The following CD36 variants were observed in gnomAD, a reference collection of about 807,000 sequenced individuals.
CD36 encodes the protein platelet glycoprotein 4.
Under a neutral mutation model 55.2 loss-of-function variants are expected in CD36, and 119 were observed. That is an observed-to-expected ratio of 2.15 (90% CI 1.86 to 2.51). The LOEUF is 2.51. Ranked by LOEUF, CD36 falls within the 30% of genes most tolerant of loss-of-function variation. The probability of loss-of-function intolerance (pLI) is 0.00; values close to 1 mark genes in which losing one functional copy is unlikely to be tolerated. For missense variants in CD36, 819 were observed against 555.5 expected (o/e 1.47, Z -4.77); for synonymous variants, 186 against 193.6 (o/e 0.96, Z 0.33).
chr7:80,671,445 A>G (rs1197724473), intron 10 of CD36, among the ~76,000 whole-genome samples: 1 of 152,156 alleles, frequency 6.6e-6, no homozygotes, highest in Non-Finnish European at 1.5e-5. Context: ...AAATTTAGTT[A>G]AAACCACACC....
chr7:80,670,996 G>A lies in CD36; in HGVS notation c.838G>A (p.Glu280Lys), dbSNP rs761115549. The change falls in exon 10 of 15, where the codon GAA becomes AAA. Residue 280 changes from glutamate (E) to lysine (K), a missense_variant. Physicochemically the swap from Glu to Lys is moderately conservative, Grantham distance 56. Transcript: ENST00000447544. ...DICRSIYAVF[E>K]SDVNLKGIPV... Reference sequence around the variant, plus strand: ...ATTTAGGTCAATCTATGCTGTATTTGAATCCGACGTTAATCTGAAAGGAAT... The same window carrying A: ...ATTTAGGTCAATCTATGCTGTATTTAAATCCGACGTTAATCTGAAAGGAAT... 6.8e-6 allele frequency: 11 copies of A among 1,613,086 alleles called. No homozygotes were observed. Among genetic ancestry groups the A allele is most frequent in the Middle Eastern group, 1.7e-4 (1 of 6,054 alleles).
At position 80,664,490 on chromosome 7, in the gene CD36, G is replaced by T. The variant is rs760850297; in HGVS notation, c.694G>T (p.Gly232Cys). 3.3e-6 allele frequency: 5 copies of T among 1,518,250 alleles called. No individual in the cohort carries two copies. The highest frequency in any genetic ancestry group is 2.8e-5 in the African/African-American group (2 of 72,580). 94.0% of individuals were successfully genotyped at this position (1,518,250 alleles called of 1,614,324 possible). A position where few individuals can be genotyped will look rare whatever the true frequency, so the allele number is the denominator to read the frequency against. ...SKVAIIDTYK[G>C]KRNLSYWESH... ...AGTTGCCATAATCGACACATATAAAGGTAAAAGGTAAGTATTCTGGTAAAA... is the reference window on the plus strand; with the variant it reads ...AGTTGCCATAATCGACACATATAAATGTAAAAGGTAAGTATTCTGGTAAAA... The change falls in exon 7 of 15, where the codon GGT (glycine) becomes TGT (cysteine). Residue 232 changes from glycine (G) to cysteine (C), a missense_variant. By Grantham distance (159) the Gly-to-Cys change is radical (BLOSUM62 -3). Coordinates refer to ENST00000447544, the MANE Select transcript of CD36 (RefSeq NM_001001548.3).
intron 1 of CD36, among the ~76,000 whole-genome samples, chr7:80,644,620 A>C (rs546817981): frequency 6.6e-6 from 1 of 152,230 alleles, no homozygotes; most frequent in African/African-American, 2.4e-5. Context: ...TTGAAAAACT[A>C]TATGATTACT....
chr7:80,623,378 A>G (rs906722512), intron 1 of CD36, among the ~76,000 whole-genome samples: 1 of 152,180 alleles, frequency 6.6e-6, no homozygotes, highest in African/African-American at 2.4e-5. Context: ...GCACATAGTG[A>G]CCATGTGATA....
intron 1 of CD36, among the ~76,000 whole-genome samples, chr7:80,630,625 T>G (rs1794021325): frequency 6.6e-6 from 1 of 152,064 alleles, no homozygotes; most frequent in Admixed American, 6.6e-5. Context: ...TCCATGTTTT[T>G]ATGGATTTAT....
chr7:80,626,621 A>G (rs1395586775), intron 1 of CD36, among the ~76,000 whole-genome samples: 2 of 152,066 alleles, frequency 1.3e-5, no homozygotes, highest in East Asian at 3.8e-4. Flanking sequence ...TACATTACAA[A>G]CTTCATATAT....
At position 80,671,959 on chromosome 7, in the gene CD36, T is replaced by C. The variant is rs1175328132; in HGVS notation, c.1044T>C (p.Tyr348=). 1.2e-6 allele frequency: 2 copies of C among 1,610,984 alleles called. No homozygotes were observed. The highest frequency in any genetic ancestry group is 2.7e-5 in the African/African-American group (2 of 74,832). The change falls in exon 11 of 15, where the codon TAT becomes TAC. Residue 348 remains tyrosine, a synonymous_variant. Coordinates refer to ENST00000447544, the MANE Select transcript of CD36 (RefSeq NM_001001548.3). ...ACATTTCACTTCCTCATTTTCTGTA[T>C]GCAAGTCCTGATGTTTCAGAACCTA... ...PVYISLPHFL[Y]ASPDVSEPID... is the part of the protein sequence containing the mutation.
chr7:80,657,390 T>C (rs945465538), intron 4 of CD36, among the ~76,000 whole-genome samples: 4 of 152,250 alleles, frequency 2.6e-5, no homozygotes, highest in African/African-American at 7.2e-5. Context: ...TGATCTATTT[T>C]AGTTTCACTC....
Position 80,678,273 on chromosome 7 carries a change from G to T in CD36, c.*1890G>T, listed in dbSNP as rs1798224118. On this transcript the variant is annotated 3_prime_UTR_variant, in exon 15 of 15. Coordinates refer to ENST00000447544, the MANE Select transcript of CD36 (RefSeq NM_001001548.3). Reference sequence around the variant, plus strand: ...TATATGTTTTAGTCATAGAAAAATTGTACCCTTTGATAGAAGCACATTTTC... The same window carrying T: ...TATATGTTTTAGTCATAGAAAAATTTTACCCTTTGATAGAAGCACATTTTC... 6.6e-6 allele frequency: 1 copy of T among 152,138 alleles called. No homozygotes were observed. The highest frequency in any genetic ancestry group is 2.4e-5 in the African/African-American group (1 of 41,424). The allele number at this position is 152,138 out of a possible 1,614,324, so 9.4% of individuals were successfully genotyped here. A position where few individuals can be genotyped will look rare whatever the true frequency, so the allele number is the denominator to read the frequency against.
rs1793594536 is a variant in CD36, at chr7:80,623,645, T to C, written c.-184+21266T>C. The stretch of plus-strand genomic sequence containing the variant: ...ATAAGCCTGAACTTGTTAGTCTTGC[T>C]GGGCCCTGCCCAAGGTTGCCCTCAT... On this transcript the variant is annotated intron_variant, in intron 1 of 13. Coordinates refer to the CD36 transcript ENST00000309881. Among the ~76,000 whole-genome samples the C allele has an allele frequency of 2.0e-5, 3 of 152,348 alleles. 1 individual carries two copies. The South Asian group carries it at 6.2e-4, about 32-fold the overall frequency.
chr7:80,609,519 C>T (rs1335788900), intron 1 of CD36, among the ~76,000 whole-genome samples: 1 of 152,102 alleles, frequency 6.6e-6, no homozygotes, highest in Non-Finnish European at 1.5e-5. Flanking sequence ...CCTTCCTAGA[C>T]CTGCTGGGAG....
At chr7:80,638,269 A>G (rs2116249140), upstream of CD36, among the ~76,000 whole-genome samples, 1 of 152,090 alleles carries the variant, frequency 6.6e-6, no homozygotes, top group South Asian at 2.1e-4. Context: ...AAGTGAGAAT[A>G]TGATTATTCT....
At chr7:80,667,747 G>GTTTTTTTTTTTT (rs1165767460) in intron 8 of CD36, among the ~76,000 whole-genome samples, 36 of 82,612 alleles carry the variant, frequency 4.4e-4, no homozygotes, top group South Asian at 9.6e-4. Flanking sequence ...GTTTTCTTTT[G>GTTTTTTTTTTTT]TTTTTTTTTT....
At chr7:80,630,867 C>T (rs930581299) in intron 1 of CD36, among the ~76,000 whole-genome samples, 7 of 151,938 alleles carry the variant, frequency 4.6e-5, no homozygotes, top group South Asian at 2.1e-4. Context: ...ACTCTGAACA[C>T]GAAAGCACAG....
intron 4 of CD36, among the ~76,000 whole-genome samples, chr7:80,659,607 AAAC>A (rs1324159682): frequency 2.6e-5 from 4 of 152,178 alleles, no homozygotes; most frequent in South Asian, 2.1e-4. Flanking sequence ...TCCCTTTTTA[AAAC>A]AACATTCTAA....
At chr7:80,628,650 C>T (rs1793888060) in intron 1 of CD36, among the ~76,000 whole-genome samples, 1 of 151,992 alleles carries the variant, frequency 6.6e-6, no homozygotes, top group Non-Finnish European at 1.5e-5. Context: ...AATAGAATCA[C>T]AAGGTATCAG....
At chr7:80,622,885 C>G (rs933236766) in intron 1 of CD36, among the ~76,000 whole-genome samples, 1 of 152,136 alleles carries the variant, frequency 6.6e-6, no homozygotes. Flanking sequence ...TTTGGACAGA[C>G]AGCATTATTG....
At chr7:80,637,076 C>T (rs1053431830), upstream of CD36, 1 of 152,008 alleles carries the variant, frequency 6.6e-6, no homozygotes, top group African/African-American at 2.4e-5. Flanking sequence ...TAATTGCGAT[C>T]ATATTTTCAT....
At chr7:80,659,753 G>A (rs1271066625) in intron 4 of CD36, among the ~76,000 whole-genome samples, 3 of 152,058 alleles carry the variant, frequency 2.0e-5, no homozygotes, top group Admixed American at 6.6e-5. Flanking sequence ...GAAAATTGAA[G>A]TACTTTGATT....
Sources: gnomAD v4.1 joint callset for allele counts (sites outside exome capture counted in the v4.1 genomes callset) on GRCh38, gnomAD v4.1.1 for gene constraint, MANE v1.5 for transcripts, NCBI Gene and HGNC (gene_info 2026-07-23, HGNC 2026-07-21) for gene names.